The following RBFOX1 variants were observed in gnomAD, a reference collection of about 807,000 sequenced individuals.
RBFOX1 encodes the protein RNA binding protein fox-1 homolog 1.
RBFOX1 carries 8 observed loss-of-function variants against 57.7 expected under a neutral mutation model. That is an observed-to-expected ratio of 0.14 (90% confidence interval 0.08 to 0.25). The LOEUF is 0.25. RBFOX1 is among the 10% of genes least tolerant of loss of function. The pLI is 1.00. For synonymous variants in RBFOX1, 326 were observed against 222.4 expected (o/e 1.47, Z -4.15); for missense variants, 611 against 548.5 (o/e 1.11, Z -1.14).
intron 1 of RBFOX1, among the ~76,000 whole-genome samples, chr16:6,303,998 A>G (rs1244719965): frequency 2.0e-5 from 3 of 150,656 alleles, no homozygotes; most frequent in East Asian, 4.1e-4. Flanking sequence ...TTTTAGTAGA[A>G]TCGGGGTTTC....
At chr16:7,421,255 T>C (rs1452143127) in intron 4 of RBFOX1, among the ~76,000 whole-genome samples, 1 of 152,104 alleles carries the variant, frequency 6.6e-6, no homozygotes, top group East Asian at 1.9e-4. Flanking sequence ...GAACAACCTA[T>C]GTTGTAATTG....
At chr16:5,774,970 A>G (rs975679077) in intron 3 of RBFOX1, among the ~76,000 whole-genome samples, 4 of 152,182 alleles carry the variant, frequency 2.6e-5, no homozygotes, top group African/African-American at 9.7e-5. Context: ...GGAATGAGAC[A>G]TTGCACCCAG....
chr16:5,624,998 G>C (rs755260728), intron 3 of RBFOX1, among the ~76,000 whole-genome samples: 22 of 152,230 alleles, frequency 1.4e-4, no homozygotes, highest in Non-Finnish European at 2.8e-4. Flanking sequence ...TCTCGGGCCA[G>C]AGAGCCTGGC....
intron 3 of RBFOX1, among the ~76,000 whole-genome samples, chr16:6,760,247 A>G (rs550368435): frequency 1.1e-4 from 17 of 152,360 alleles, no homozygotes; most frequent in African/African-American, 4.1e-4. Context: ...CAGGAAACAA[A>G]TTGCAAATGG....
At chr16:5,672,648 C>G (rs936676340) in intron 3 of RBFOX1, among the ~76,000 whole-genome samples, 1 of 152,214 alleles carries the variant, frequency 6.6e-6, no homozygotes, top group African/African-American at 2.4e-5. Context: ...GAGATGAAGA[C>G]TCATCCATCT....
At chr16:5,425,797 G>A (rs749052995) in intron 1 of RBFOX1, among the ~76,000 whole-genome samples, 8 of 152,196 alleles carry the variant, frequency 5.3e-5, no homozygotes, top group Non-Finnish European at 7.4e-5. Flanking sequence ...AACCCCCCAC[G>A]TCCCTGAAAG....
intron 3 of RBFOX1, among the ~76,000 whole-genome samples, chr16:7,036,335 A>G (rs946355852): frequency 3.3e-5 from 5 of 152,026 alleles, no homozygotes; most frequent in Non-Finnish European, 5.9e-5. Context: ...ATTTTTCACA[A>G]TCTTGGTTTT....
At chr16:5,948,554 T>A (rs1051022333) in intron 4 of RBFOX1, among the ~76,000 whole-genome samples, 1 of 152,122 alleles carries the variant, frequency 6.6e-6, no homozygotes, top group Admixed American at 6.5e-5. Flanking sequence ...CATTGACTGG[T>A]CTCCTTAAAA....
At chr16:6,653,574 A>G (rs1010693670) in intron 2 of RBFOX1, among the ~76,000 whole-genome samples, 5 of 152,198 alleles carry the variant, frequency 3.3e-5, no homozygotes, top group Non-Finnish European at 5.9e-5. Context: ...AGAAAATCAT[A>G]GGTGTGCAAT....
chr16:6,467,713 C>T (rs1466983521), intron 2 of RBFOX1, among the ~76,000 whole-genome samples: 1 of 152,174 alleles, frequency 6.6e-6, no homozygotes, highest in Non-Finnish European at 1.5e-5. Flanking sequence ...TGCCACTGGA[C>T]TCTTCCATCT....
chr16:6,831,841 G>T (rs1267625236), intron 3 of RBFOX1, among the ~76,000 whole-genome samples: 1 of 152,142 alleles, frequency 6.6e-6, no homozygotes, highest in African/African-American at 2.4e-5. Context: ...ATTATCTCCA[G>T]CTGTGAATGC....
chr16:5,601,659 C>G (rs1368303736), downstream of RBFOX1: 1 of 152,176 alleles, frequency 6.6e-6, no homozygotes, highest in African/African-American at 2.4e-5. Context: ...TAATGTCACA[C>G]TGAGTCTATG....
At chr16:5,380,140 C>T (rs1019498793) in intron 1 of RBFOX1, among the ~76,000 whole-genome samples, 8 of 152,198 alleles carry the variant, frequency 5.3e-5, no homozygotes, top group East Asian at 1.9e-4. Flanking sequence ...TCATCCTTCC[C>T]GTCCTTGGCA....
chr16:7,477,021 C>G (rs2062862817), intron 4 of RBFOX1, among the ~76,000 whole-genome samples: 1 of 152,190 alleles, frequency 6.6e-6, no homozygotes, highest in Non-Finnish European at 1.5e-5. Context: ...GTACCTAACA[C>G]TTGCTGTCAG....
intron 2 of RBFOX1, among the ~76,000 whole-genome samples, chr16:6,634,249 C>A (rs11861042): frequency 0.97 from 147,380 of 152,202 alleles, 71,541 homozygotes; most frequent in East Asian, 1. Flanking sequence ...TTCTGTTACT[C>A]CTTTAAGAAA....
chr16:7,587,553 A>T (rs2094196141), intron 7 of RBFOX1, among the ~76,000 whole-genome samples: 1 of 152,146 alleles, frequency 6.6e-6, no homozygotes. Flanking sequence ...ATACATGCTT[A>T]AAAAAATAAT....
chr16:6,646,288 G>C (rs1443882969), intron 2 of RBFOX1, among the ~76,000 whole-genome samples: 4 of 152,136 alleles, frequency 2.6e-5, no homozygotes, highest in Non-Finnish European at 5.9e-5. Flanking sequence ...GCATTGTTCA[G>C]AAGCAAATGC....
At chr16:7,093,789 G>A (rs1338822985) in intron 4 of RBFOX1, among the ~76,000 whole-genome samples, 3 of 152,016 alleles carry the variant, frequency 2.0e-5, no homozygotes, top group Admixed American at 6.6e-5. Flanking sequence ...GTGTTTTCCT[G>A]AAATTCTGTT....
chr16:6,933,558 C>G (rs935644397), intron 3 of RBFOX1, among the ~76,000 whole-genome samples: 1 of 152,124 alleles, frequency 6.6e-6, no homozygotes, highest in South Asian at 2.1e-4. Flanking sequence ...ACTAAAAATG[C>G]AAAAATTATC....
Sources: allele counts gnomAD v4.1 joint callset (sites outside exome capture counted in the v4.1 genomes callset), GRCh38; gene constraint gnomAD v4.1.1; transcripts MANE v1.5; gene names NCBI Gene and HGNC (gene_info 2026-07-23, HGNC 2026-07-21).